Variants in SCHIP1 observed in about 807,000 individuals in gnomAD.
The protein encoded by SCHIP1 is schwannomin-interacting protein 1.
SCHIP1 carries 8 observed loss-of-function variants against 29.7 expected under a neutral mutation model. The observed-to-expected ratio is 0.27, with a 90% CI of 0.16 to 0.49. The LOEUF is 0.49. SCHIP1 is among the 20% of genes least tolerant of loss of function. The pLI is 0.99. For missense variants in SCHIP1, 193 were observed against 294.6 expected, an observed-to-expected ratio of 0.66 and a Z score of 2.52; for synonymous variants, 76 against 94.9, an observed-to-expected ratio of 0.80 and a Z score of 1.16.
At chr3:159,408,810 C>T in the SCHIP1 span, among the ~76,000 whole-genome samples, 1 of 152,088 alleles carries the variant, frequency 6.6e-6, no homozygotes, top group Non-Finnish European at 1.5e-5. Flanking sequence ...ATCCTGATAC[C>T]AAAACCAGAC....
At chr3:159,456,441 C>T in the SCHIP1 span, among the ~76,000 whole-genome samples, 1 of 152,054 alleles carries the variant, frequency 6.6e-6, no homozygotes, top group South Asian at 2.1e-4. Flanking sequence ...CAACTAAATG[C>T]CTTATGTATG....
the SCHIP1 span, among the ~76,000 whole-genome samples, chr3:159,370,570 T>A: frequency 6.6e-6 from 1 of 152,194 alleles, no homozygotes; most frequent in Non-Finnish European, 1.5e-5. Flanking sequence ...TGAGAGTGTT[T>A]CCAGAAGAAA....
chr3:159,511,077 A>C, the SCHIP1 span, among the ~76,000 whole-genome samples: 1 of 152,234 alleles, frequency 6.6e-6, no homozygotes, highest in Non-Finnish European at 1.5e-5. Context: ...TGGAGTCTAC[A>C]GAGGCCCACA....
the SCHIP1 span, among the ~76,000 whole-genome samples, chr3:159,832,098 G>C: frequency 1.3e-5 from 2 of 152,186 alleles, no homozygotes; most frequent in African/African-American, 4.8e-5. Flanking sequence ...CTTGGAAAGA[G>C]ATTTCTTACT....
At chr3:159,429,381 G>A in the SCHIP1 span, among the ~76,000 whole-genome samples, 1 of 151,806 alleles carries the variant, frequency 6.6e-6, no homozygotes, top group African/African-American at 2.4e-5. Flanking sequence ...ATGAGGTGGG[G>A]GTAAATCTTC....
the SCHIP1 span, among the ~76,000 whole-genome samples, chr3:159,656,128 T>C: frequency 1.3e-5 from 2 of 152,156 alleles, no homozygotes; most frequent in Non-Finnish European, 2.9e-5. Context: ...ACAGATCTGG[T>C]AAGAAGAATC....
chr3:159,277,101 G>C, the SCHIP1 span, among the ~76,000 whole-genome samples: 2 of 151,998 alleles, frequency 1.3e-5, no homozygotes, highest in African/African-American at 2.4e-5. Flanking sequence ...TGCTTCTCTG[G>C]AATGCTGTTT....
At chr3:159,285,812 A>G in the SCHIP1 span, among the ~76,000 whole-genome samples, 4 of 152,024 alleles carry the variant, frequency 2.6e-5, no homozygotes, top group African/African-American at 7.2e-5. Context: ...TTGAGGACCT[A>G]CTCCTTGCTG....
chr3:159,385,110 G>T, the SCHIP1 span, among the ~76,000 whole-genome samples: 1 of 152,130 alleles, frequency 6.6e-6, no homozygotes, highest in African/African-American at 2.4e-5. Context: ...TAGAGAACTA[G>T]ATACAAGTGA....
At chr3:159,802,298 A>T in the SCHIP1 span, among the ~76,000 whole-genome samples, 1 of 152,246 alleles carries the variant, frequency 6.6e-6, no homozygotes, top group South Asian at 2.1e-4. Context: ...AAGCCAAAAA[A>T]ATGCTCCTAT....
chr3:159,617,335 G>A, the SCHIP1 span, among the ~76,000 whole-genome samples: 13 of 152,188 alleles, frequency 8.5e-5, no homozygotes, highest in Admixed American at 3.3e-4. Flanking sequence ...CTGTCTCTCC[G>A]ATCCCCTTTC....
At chr3:159,714,518 C>T in the SCHIP1 span, among the ~76,000 whole-genome samples, 2 of 152,226 alleles carry the variant, frequency 1.3e-5, no homozygotes, top group East Asian at 1.9e-4. Flanking sequence ...TGACAGACAA[C>T]ACCTGGAAAA....
the SCHIP1 span, among the ~76,000 whole-genome samples, chr3:159,446,761 T>C: frequency 6.6e-6 from 1 of 152,124 alleles, no homozygotes; most frequent in African/African-American, 2.4e-5. Context: ...CCCAAACCAA[T>C]TTTAATATTT....
the SCHIP1 span, among the ~76,000 whole-genome samples, chr3:159,346,727 G>A: frequency 6.6e-6 from 1 of 152,140 alleles, no homozygotes; most frequent in African/African-American, 2.4e-5. Context: ...GTGTGTGGGT[G>A]TGGTCAGTGG....
At chr3:159,465,187 A>C in the SCHIP1 span, among the ~76,000 whole-genome samples, 1 of 151,958 alleles carries the variant, frequency 6.6e-6, no homozygotes, top group African/African-American at 2.4e-5. Context: ...CTACAGAAAT[A>C]CTCCTTATTT....
chr3:159,672,937 T>G, the SCHIP1 span, among the ~76,000 whole-genome samples: 45 of 152,312 alleles, frequency 3.0e-4, no homozygotes, highest in Non-Finnish European at 5.4e-4. Flanking sequence ...TACTGCAGTT[T>G]CTAATACAAC....
the SCHIP1 span, among the ~76,000 whole-genome samples, chr3:159,731,242 T>G: frequency 6.6e-6 from 1 of 152,254 alleles, no homozygotes; most frequent in African/African-American, 2.4e-5. Flanking sequence ...ATGACCAAAT[T>G]AGGCTCTACT....
the SCHIP1 span, among the ~76,000 whole-genome samples, chr3:159,309,424 G>C: frequency 1.3e-5 from 2 of 152,058 alleles, no homozygotes; most frequent in African/African-American, 4.8e-5. Context: ...GTTTCCTACT[G>C]CTCGTGAACT....
chr3:159,794,122 A>T, the SCHIP1 span, among the ~76,000 whole-genome samples: 1 of 152,154 alleles, frequency 6.6e-6, no homozygotes, highest in Non-Finnish European at 1.5e-5. Flanking sequence ...TCAGAACATA[A>T]ACATATGGGA....
Sources: allele counts gnomAD v4.1 joint callset (sites outside exome capture counted in the v4.1 genomes callset), GRCh38; gene constraint gnomAD v4.1.1; transcripts MANE v1.5; gene names NCBI Gene and HGNC (gene_info 2026-07-23, HGNC 2026-07-21).